The following RBFOX1 variants were observed in gnomAD, a reference collection of about 807,000 sequenced individuals.
RBFOX1 encodes RNA binding fox-1 homolog 1.
A neutral mutation model predicts 57.7 loss-of-function variants in RBFOX1; 8 were observed. That is an observed-to-expected ratio of 0.14 (90% confidence interval 0.08 to 0.25). The LOEUF (loss-of-function observed/expected upper bound fraction) is 0.25. RBFOX1 is among the 10% of genes least tolerant of loss of function. RBFOX1 has a pLI of 1.00. For synonymous variants in RBFOX1, 326 were observed against 222.4 expected (o/e 1.47, Z -4.15); for missense variants, 611 against 548.5 (o/e 1.11, Z -1.14).
chr16:6,820,666 A>C (rs1000191562), intron 3 of RBFOX1, among the ~76,000 whole-genome samples: 1 of 123,966 alleles, frequency 8.1e-6, no homozygotes, highest in Non-Finnish European at 1.9e-5. Flanking sequence ...CTCCAAAAAA[A>C]AAACAAGCAA....
chr16:6,823,837 G>C (rs1474742909), intron 3 of RBFOX1, among the ~76,000 whole-genome samples: 4 of 152,166 alleles, frequency 2.6e-5, no homozygotes, highest in Admixed American at 6.5e-5. Flanking sequence ...GGTAATCAGA[G>C]AAATAGAGGG....
intron 1 of RBFOX1, among the ~76,000 whole-genome samples, chr16:6,209,761 T>C (rs2097280648): frequency 6.6e-6 from 1 of 152,192 alleles, no homozygotes. Flanking sequence ...AAGCAGGTCG[T>C]GAACCAGATG....
intron 2 of RBFOX1, among the ~76,000 whole-genome samples, chr16:5,591,032 C>G (rs1039229139): frequency 1.3e-4 from 19 of 144,204 alleles, no homozygotes; most frequent in African/African-American, 3.6e-4. Flanking sequence ...TTTTTTTTTT[C>G]GGAAAATGGC....
At chr16:5,938,396 T>A (rs2059210130) in intron 4 of RBFOX1, among the ~76,000 whole-genome samples, 1 of 152,194 alleles carries the variant, frequency 6.6e-6, no homozygotes, top group Admixed American at 6.5e-5. Context: ...GCTGAGTGAC[T>A]TAGCAAGTTC....
At chr16:6,980,087 A>C (rs2088285669) in intron 3 of RBFOX1, among the ~76,000 whole-genome samples, 1 of 152,164 alleles carries the variant, frequency 6.6e-6, no homozygotes, top group Non-Finnish European at 1.5e-5. Flanking sequence ...CCCTGGTGTT[A>C]GAGTGTAGTA....
chr16:6,014,686 G>A (rs113718183), upstream of RBFOX1, among the ~76,000 whole-genome samples: 94 of 152,300 alleles, frequency 6.2e-4, 1 homozygote, highest in African/African-American at 1.8e-3. Context: ...TAAGTCTGAA[G>A]ACTGAGAACT....
At position 7,664,962 on chromosome 16, in the gene RBFOX1, C is replaced by A. The variant is rs1196928157; in HGVS notation, c.924C>A (p.Asp308Glu). ...ACCAGGATGGATTTTATGGTGCAGA[C>A]ATTTATGTAAGTATTCATTCACGTG... ...VVYQDGFYGA[D>E]IYGGYAAYRY... The change falls in exon 13 of 16, where the codon GAC becomes GAA. Residue 308 changes from aspartate (D) to glutamate (E), a missense_variant. Transcript: ENST00000550418. 3 of 1,613,784 alleles carry A rather than the reference C, an allele frequency of 1.9e-6. No homozygotes were observed. The highest frequency in any genetic ancestry group is 2.5e-6 in the Non-Finnish European group (3 of 1,179,844).
chr16:6,930,817 C>A lies in RBFOX1; in HGVS notation c.-15-121240C>A, dbSNP rs569958973. Among the ~76,000 whole-genome samples the A allele has an allele frequency of 1.0e-3, 159 of 152,208 alleles. 1 individual carries two copies. The highest frequency in any genetic ancestry group is 3.7e-3 in the African/African-American group (152 of 41,548). Reference sequence around the variant, plus strand: ...TTTCTCACTTTATTCAGTCTATGAGCAAATGTCATCTTGTAAGAGAATGTT... The same window carrying A: ...TTTCTCACTTTATTCAGTCTATGAGAAAATGTCATCTTGTAAGAGAATGTT... On this transcript the variant is annotated intron_variant, in intron 3 of 15. Transcript: ENST00000550418.
intron 3 of RBFOX1, among the ~76,000 whole-genome samples, chr16:7,012,611 G>A (rs1037754159): frequency 6.6e-6 from 1 of 152,132 alleles, no homozygotes; most frequent in Non-Finnish European, 1.5e-5. Context: ...CATTGGAACA[G>A]AATTGTGCTC....
At chr16:5,866,647 CT>C (rs899551906) in intron 3 of RBFOX1, among the ~76,000 whole-genome samples, 4 of 152,186 alleles carry the variant, frequency 2.6e-5, no homozygotes, top group African/African-American at 9.7e-5. Flanking sequence ...ATCTACGTGA[CT>C]TTATGTTGGG....
chr16:6,008,562 G>T (rs567608052), intron 4 of RBFOX1, among the ~76,000 whole-genome samples: 3 of 152,264 alleles, frequency 2.0e-5, no homozygotes, highest in Admixed American at 2.0e-4. Flanking sequence ...GGTTAAGGTT[G>T]AGGAAGAGTT....
At chr16:5,773,752 C>T (rs2054054096) in intron 3 of RBFOX1, among the ~76,000 whole-genome samples, 2 of 152,166 alleles carry the variant, frequency 1.3e-5, no homozygotes, top group Non-Finnish European at 2.9e-5. Context: ...GGCTGGAGTG[C>T]AGTGGTGTGA....
intron 2 of RBFOX1, among the ~76,000 whole-genome samples, chr16:6,450,381 C>T (rs1004435513): frequency 6.6e-6 from 1 of 152,002 alleles, no homozygotes; most frequent in African/African-American, 2.4e-5. Context: ...CCTCCGTTTG[C>T]TCCAGCCTTA....
chr16:6,225,804 A>T (rs768584266), intron 1 of RBFOX1, among the ~76,000 whole-genome samples: 10 of 152,202 alleles, frequency 6.6e-5, no homozygotes, highest in Non-Finnish European at 1.3e-4. Flanking sequence ...AGCCTAGGAG[A>T]CATGACTGAA....
intron 2 of RBFOX1, among the ~76,000 whole-genome samples, chr16:6,504,214 A>G (rs774308148): frequency 3.3e-5 from 5 of 152,202 alleles, no homozygotes; most frequent in Non-Finnish European, 7.3e-5. Flanking sequence ...TGATAGAGCT[A>G]GCACCAACGG....
intron 4 of RBFOX1, among the ~76,000 whole-genome samples, chr16:7,145,310 T>G (rs966838730): frequency 2.6e-5 from 4 of 152,178 alleles, no homozygotes; most frequent in Non-Finnish European, 5.9e-5. Context: ...GTACAAGAGA[T>G]TCTCCTGCCT....
intron 2 of RBFOX1, among the ~76,000 whole-genome samples, chr16:6,533,868 G>C (rs575695408): frequency 4.6e-5 from 7 of 152,092 alleles, no homozygotes; most frequent in African/African-American, 1.4e-4. Context: ...TAAAAGAGAA[G>C]TTTGACAGAC....
chr16:6,391,308 G>T (rs559156383), intron 2 of RBFOX1, among the ~76,000 whole-genome samples: 2 of 152,186 alleles, frequency 1.3e-5, no homozygotes, highest in Admixed American at 6.5e-5. Context: ...AGGAGATCCA[G>T]ACCATCCTGG....
chr16:5,633,448 G>A (rs2048583411), intron 3 of RBFOX1, among the ~76,000 whole-genome samples: 1 of 152,134 alleles, frequency 6.6e-6, no homozygotes, highest in Non-Finnish European at 1.5e-5. Context: ...ACTCATCACT[G>A]GAGCAACGAC....
Sources: gnomAD v4.1 joint callset for allele counts (sites outside exome capture counted in the v4.1 genomes callset) on GRCh38, gnomAD v4.1.1 for gene constraint, MANE v1.5 for transcripts, NCBI Gene and HGNC (gene_info 2026-07-23, HGNC 2026-07-21) for gene names.